Variants in NUP210L observed in about 807,000 individuals in gnomAD.
NUP210L encodes the protein nucleoporin 210 like.
In NUP210L, 74 loss-of-function variants were observed where a neutral mutation model predicts 208.5. That is an observed-to-expected ratio of 0.35 (90% confidence interval 0.29 to 0.43). The LOEUF (loss-of-function observed/expected upper bound fraction) is 0.43. Ranked by LOEUF, NUP210L falls within the 20% of genes least tolerant of loss-of-function variation. The pLI is 1.00. For synonymous variants in NUP210L, 780 were observed against 816.9 expected (o/e 0.95, Z 0.77); for missense variants, 1,843 against 2,289.4 (o/e 0.81, Z 3.98).
chr1:154,108,990 C>T (rs1656910332), intron 12 of NUP210L, among the ~76,000 whole-genome samples: 1 of 151,660 alleles, frequency 6.6e-6, no homozygotes, highest in African/African-American at 2.4e-5. Context: ...ATCCCAGCTA[C>T]TCGGGAGGCT....
chr1:154,096,887 C>T (rs898602456), intron 14 of NUP210L, among the ~76,000 whole-genome samples: 1 of 152,086 alleles, frequency 6.6e-6, no homozygotes, highest in African/African-American at 2.4e-5. Context: ...TTGAGACCAG[C>T]CTGGCCATCA....
Position 153,992,875 on chromosome 1 carries a change from T to TGGGCCAATGGA in NUP210L, c.5616_5626dup (p.Gln1876LeufsTer15). 1 of 1,613,350 alleles carries TGGGCCAATGGA rather than the reference T, an allele frequency of 6.2e-7. No individual in the cohort carries two copies. The highest frequency in any genetic ancestry group is 8.5e-7 in the Non-Finnish European group (1 of 1,179,710). ...CCATAACCAATGTTGCAGCCGACTT[T>TGGGCCAATGGA]GGGCCAATGGAGGTTGTAGACTCAT... On this transcript the variant is annotated frameshift_variant, in exon 40 of 40. Transcript: ENST00000368559. LOFTEE classifies it high-confidence loss of function.
At chr1:154,009,792 CAAAAAAAA>C (rs373230285) in intron 35 of NUP210L, among the ~76,000 whole-genome samples, 172 bp downstream of exon 35, 2 of 64,570 alleles carry the variant, frequency 3.1e-5, no homozygotes, top group Non-Finnish European at 6.7e-5. Context: ...GACCCAGTCT[CAAAAAAAA>C]AAAAAAAAAG....
At chr1:154,082,867 T>G (rs1359202045) in intron 16 of NUP210L, among the ~76,000 whole-genome samples, 1 of 152,070 alleles carries the variant, frequency 6.6e-6, no homozygotes, top group African/African-American at 2.4e-5. Flanking sequence ...TCCCAGTGGG[T>G]TCATCATCTC....
chr1:154,001,888 CA>C lies in NUP210L; in HGVS notation c.5027del (p.Leu1676ArgfsTer39), dbSNP rs1557905020. On this transcript the variant is annotated frameshift_variant, in exon 36 of 40. Transcript: ENST00000368559. LOFTEE classifies it high-confidence loss of function. ...TTCCATTCTTGCTACGTTCACTGAC[CA>C]GTGTAGCCCACCCATAGACTGAGGT... 1 of 1,614,076 alleles carries C rather than the reference CA, an allele frequency of 6.2e-7. No individual in the cohort carries two copies. The highest frequency in any genetic ancestry group is 1.1e-5 in the South Asian group (1 of 91,074).
intron 16 of NUP210L, among the ~76,000 whole-genome samples, chr1:154,077,563 G>A (rs1472525732): frequency 1.3e-5 from 2 of 151,990 alleles, no homozygotes; most frequent in Admixed American, 6.6e-5. Flanking sequence ...TGCAATGAAA[G>A]GTCACTAGAC....
At chr1:154,107,722 C>G (rs975886842) in intron 12 of NUP210L, among the ~76,000 whole-genome samples, 1 of 151,852 alleles carries the variant, frequency 6.6e-6, no homozygotes, top group African/African-American at 2.4e-5. Flanking sequence ...AAAGAATAAG[C>G]TGGGCATGGT....
chr1:154,092,013 G>A (rs1436311191), intron 15 of NUP210L, among the ~76,000 whole-genome samples: 6 of 151,292 alleles, frequency 4.0e-5, no homozygotes, highest in Non-Finnish European at 7.4e-5. Flanking sequence ...CAAAATTACA[G>A]AGACAGAAAG....
At chr1:154,030,040 G>T in exon 28 of NUP210L, 2 of 1,591,196 alleles carry the variant, frequency 1.3e-6, no homozygotes. Context: ...GCTCTACTGG[G>T]AGCTGTAGAA....
At chr1:154,097,497 C>T (rs1354304959) in intron 14 of NUP210L, among the ~76,000 whole-genome samples, 1 of 152,104 alleles carries the variant, frequency 6.6e-6, no homozygotes, top group Non-Finnish European at 1.5e-5. Flanking sequence ...TGGAACTTTA[C>T]AATGAGCCAC....
chr1:154,076,086 G>T (rs564673308), intron 16 of NUP210L, among the ~76,000 whole-genome samples: 178 of 150,818 alleles, frequency 1.2e-3, no homozygotes, highest in Non-Finnish European at 2.1e-3. Context: ...ACCATGCCTG[G>T]GCCAGACAAA....
chr1:154,056,717 G>A (rs907753875), intron 23 of NUP210L, 98 bp downstream of exon 23: 22 of 1,268,510 alleles, frequency 1.7e-5, no homozygotes, highest in Non-Finnish European at 2.3e-5. Flanking sequence ...ACTGTGCCCA[G>A]CCAGTCAAAT....
intron 27 of NUP210L, among the ~76,000 whole-genome samples, chr1:154,033,951 T>C (rs1410440143): frequency 6.6e-6 from 1 of 152,118 alleles, no homozygotes; most frequent in Non-Finnish European, 1.5e-5. Flanking sequence ...TGAGATGGTG[T>C]CTAGCTCTGT....
intron 12 of NUP210L, among the ~76,000 whole-genome samples, chr1:154,105,465 G>A (rs1656706825): frequency 7.3e-6 from 1 of 136,296 alleles, no homozygotes. Context: ...CTCCAGCCTA[G>A]GTGACAGAGC....
At chr1:154,129,396 G>A in intron 7 of NUP210L, 51 bp from the exon 8 acceptor site, 1 of 1,101,134 alleles carries the variant, frequency 9.1e-7, no homozygotes, top group Non-Finnish European at 1.4e-6. Flanking sequence ...GTGAAAAGGT[G>A]AGGTACCAAA....
At chr1:154,016,098 A>G (rs1407193761) in intron 33 of NUP210L, among the ~76,000 whole-genome samples, 1 of 151,866 alleles carries the variant, frequency 6.6e-6, no homozygotes, top group African/African-American at 2.4e-5. Context: ...CTGCAAAAAA[A>G]TAAAAATAAT....
At chr1:154,049,891 C>T (rs937814364) in intron 25 of NUP210L, among the ~76,000 whole-genome samples, 1 of 152,112 alleles carries the variant, frequency 6.6e-6, no homozygotes, top group African/African-American at 2.4e-5. Context: ...GCCTGCTAAG[C>T]GTTTTCATCG....
At chr1:153,999,872 T>C (rs1650110715) in intron 37 of NUP210L, among the ~76,000 whole-genome samples, 1 of 150,978 alleles carries the variant, frequency 6.6e-6, no homozygotes, top group African/African-American at 2.4e-5. Context: ...GTCACCAGGC[T>C]GGAGTGCAGT....
chr1:154,082,367 G>C (rs549624124), intron 16 of NUP210L, among the ~76,000 whole-genome samples: 1 of 152,266 alleles, frequency 6.6e-6, no homozygotes, highest in East Asian at 1.9e-4. Context: ...CTATTAAAAA[G>C]ATGTAACAAT....
Sources: gnomAD v4.1 joint callset for allele counts (sites outside exome capture counted in the v4.1 genomes callset) on GRCh38, gnomAD v4.1.1 for gene constraint, MANE v1.5 for transcripts, NCBI Gene and HGNC (gene_info 2026-07-23, HGNC 2026-07-21) for gene names.